RPS28: variants seen among roughly 807,000 people sequenced by gnomAD.
The protein encoded by RPS28 is small ribosomal subunit protein eS28.
A neutral mutation model predicts 9.4 loss-of-function variants in RPS28; 2 were observed. The observed-to-expected ratio is 0.21, with a 90% CI of 0.09 to 0.67. RPS28 has a LOEUF of 0.67. Among genes scored for constraint, RPS28 ranks in the 30% least tolerant of loss-of-function variants. The probability of loss-of-function intolerance (pLI) is 0.82; values close to 1 mark genes in which losing one functional copy is unlikely to be tolerated. For synonymous variants in RPS28, 41 were observed against 37.8 expected (o/e 1.08, Z -0.31); for missense variants, 35 against 95.3 (o/e 0.37, Z 2.63).
At position 8,322,941 on chromosome 19, in the gene RPS28, A is replaced by C; in HGVS notation, c.*686A>C. On this transcript the variant is annotated 3_prime_UTR_variant, in exon 4 of 4. Coordinates refer to ENST00000600659, the MANE Select transcript of RPS28 (RefSeq NM_001031.5). Reference sequence around the variant, plus strand: ...ACTCGCTCTGGAGAGAGGGGAAAAGAGGGGGGCCTGCTGCAATCTCCTTGA... The same window carrying C: ...ACTCGCTCTGGAGAGAGGGGAAAAGCGGGGGGCCTGCTGCAATCTCCTTGA... The C allele has an allele frequency of 7.3e-7, 1 of 1,372,410 alleles. No individual in the cohort carries two copies. The highest frequency in any genetic ancestry group is 9.9e-7 in the Non-Finnish European group (1 of 1,014,716). The allele number at this position is 1,372,410 out of a possible 1,614,324, so 85.0% of individuals were successfully genotyped here. A position where few individuals can be genotyped will look rare whatever the true frequency, so the allele number is the denominator to read the frequency against.
In RPS28 at chr19:8,322,495, G is replaced by C. The variant is rs11547425; in HGVS notation, c.*240G>C. On this transcript the variant is annotated 3_prime_UTR_variant, in exon 4 of 4. Transcript: ENST00000600659. ...CCTCCGCACTCTGGAAATCCTGGCCGTGCGGTCTTGCCAAACGAAGCTTTT... is the reference window on the plus strand; with the variant it reads ...CCTCCGCACTCTGGAAATCCTGGCCCTGCGGTCTTGCCAAACGAAGCTTTT... 2.0e-6 allele frequency: 1 copy of C among 500,646 alleles called. No homozygotes were observed. The highest frequency in any genetic ancestry group is 3.7e-6 in the Non-Finnish European group (1 of 267,946). The allele number at this position is 500,646 out of a possible 1,614,324, so 31.0% of individuals were successfully genotyped here. A position where few individuals can be genotyped will look rare whatever the true frequency, so the allele number is the denominator to read the frequency against.
In RPS28 at chr19:8,322,769, G is replaced by T; in HGVS notation, c.*514G>T. ...AGCAGGGGACCCTGGACCCTTCTGT[G>T]CGCCAAAGGCTGAGGTGACTGACGA... is the stretch of plus-strand genomic sequence containing the variant. On this transcript the variant is annotated 3_prime_UTR_variant, in exon 4 of 4. Coordinates refer to ENST00000600659, the MANE Select transcript of RPS28 (RefSeq NM_001031.5). 8.2e-7 allele frequency: 1 copy of T among 1,216,936 alleles called. No homozygotes were observed. The highest frequency in any genetic ancestry group is 1.2e-6 in the Non-Finnish European group (1 of 837,496). The allele number at this position is 1,216,936 out of a possible 1,614,324, so 75.4% of individuals were successfully genotyped here.
At chr19:8,322,251 C>T in intron 3 of RPS28, 21 bp from the exon 4 acceptor site, 1 of 813,294 alleles carries the variant, frequency 1.2e-6, no homozygotes, top group Non-Finnish European at 2.1e-6. Flanking sequence ...GTCAACATCT[C>T]ATGTTTGGGT....
chr19:8,322,630 T>C lies in RPS28; in HGVS notation c.*375T>C, dbSNP rs1029965591. 1 of 592,538 alleles carries C rather than the reference T, an allele frequency of 1.7e-6. No homozygotes were observed. The highest frequency in any genetic ancestry group is 1.9e-5 in the African/African-American group (1 of 53,612). The allele number at this position is 592,538 out of a possible 1,614,324, so 36.7% of individuals were successfully genotyped here. ...AAAGAAGTTTCAGAGAGTGGGTGGA[T>C]CAGGGCTCTATCACTTGGTCCCCAC... is the stretch of plus-strand genomic sequence containing the variant. On this transcript the variant is annotated 3_prime_UTR_variant, in exon 4 of 4. Transcript: ENST00000600659.
At chr19:8,322,157 C>T (rs752078232) in intron 3 of RPS28, 66 bp downstream of exon 3, 17 of 1,556,142 alleles carry the variant, frequency 1.1e-5, no homozygotes, top group South Asian at 2.3e-5. Flanking sequence ...TCGTTAAGCC[C>T]AGGGTGAGAG....
chr19:8,322,250 T>G (rs1970329881), intron 3 of RPS28, 22 bp from the exon 4 acceptor site: 1 of 822,250 alleles, frequency 1.2e-6, no homozygotes, highest in South Asian at 1.4e-5. Context: ...TGTCAACATC[T>G]CATGTTTGGG....
rs4147654 is a variant in RPS28 at position 8,322,615 on chromosome 19, CAG to C, written c.*365_*366del. On this transcript the variant is annotated 3_prime_UTR_variant, in exon 4 of 4. Transcript: ENST00000600659. ...GAATGTTTTATTAGCAAAGAAGTTT[CAG>C]AGAGTGGGTGGATCAGGGCTCTATC... 75,326 of 582,694 alleles carry C rather than the reference CAG, an allele frequency of 0.13. 5,718 individuals carry two copies. The highest frequency in any genetic ancestry group is 0.26 in the African/African-American group (13,865 of 53,402). The allele number at this position is 582,694 out of a possible 1,614,324, so 36.1% of individuals were successfully genotyped here.
At chr19:8,321,758 C>T (rs886483047) in intron 2 of RPS28, 55 bp downstream of exon 2, 2 of 1,531,904 alleles carry the variant, frequency 1.3e-6, no homozygotes, top group South Asian at 1.2e-5. Flanking sequence ...CTGATGTGAC[C>T]TCTACCCTGC....
Position 8,322,695 on chromosome 19 carries a change from A to T in RPS28, c.*440A>T, listed in dbSNP as rs80148015. ...GCCAGAGTGAGCCCCTTCCTGCCAC[A>T]GTCACCCCAACTGAAATTGCCTTTC... On this transcript the variant is annotated 3_prime_UTR_variant, in exon 4 of 4. Coordinates refer to ENST00000600659, the MANE Select transcript of RPS28 (RefSeq NM_001031.5). The T allele has an allele frequency of 4.9e-3, 3,157 of 640,780 alleles. 83 individuals are homozygous for T. The African/African-American group carries it at 0.054, about 11-fold the overall frequency. The allele number at this position is 640,780 out of a possible 1,614,324, so 39.7% of individuals were successfully genotyped here. A position where few individuals can be genotyped will look rare whatever the true frequency, so the allele number is the denominator to read the frequency against.
chr19:8,321,527 C>T lies in RPS28; in HGVS notation c.-4C>T, dbSNP rs188073178. On this transcript the variant is annotated 5_prime_UTR_variant, in exon 1 of 4. Transcript: ENST00000600659. Reference sequence around the variant, plus strand: ...CTCCGCCAGACCGCCGCCGCGCCGCCATCATGGACACCAGCCGTGTGCAGC... The same window carrying T: ...CTCCGCCAGACCGCCGCCGCGCCGCTATCATGGACACCAGCCGTGTGCAGC... 3.2e-4 allele frequency: 508 copies of T among 1,585,532 alleles called. 2 individuals carry two copies. The East Asian group carries it at 7.5e-3, about 24-fold the overall frequency.
At chr19:8,321,861 C>T in intron 2 of RPS28, 92 bp from the exon 3 acceptor site, 5 of 1,552,012 alleles carry the variant, frequency 3.2e-6, no homozygotes, top group Non-Finnish European at 4.4e-6. Context: ...CTGGCCCCGA[C>T]ACGTTCTCTG....
chr19:8,322,154 G>A lies in RPS28; in HGVS notation c.*16+63G>A. The stretch of plus-strand genomic sequence containing the variant: ...GTTGGTGGTAGGGAGGCTTCGTTAA[G>A]CCCAGGGTGAGAGGGTTTGGGAGGC... On this transcript the variant is annotated intron_variant, in intron 3 of 3. Transcript: ENST00000600659. 8.3e-6 allele frequency: 13 copies of A among 1,567,328 alleles called. No individual in the cohort carries two copies. The South Asian group carries it at 1.5e-4, about 18-fold the overall frequency.
At position 8,322,762 on chromosome 19, in the gene RPS28, C is replaced by T. The variant is rs1273146947; in HGVS notation, c.*507C>T. ...GCCTCTGAGCAGGGGACCCTGGACC[C>T]TTCTGTGCGCCAAAGGCTGAGGTGA... On this transcript the variant is annotated 3_prime_UTR_variant, in exon 4 of 4. Coordinates refer to ENST00000600659, the MANE Select transcript of RPS28 (RefSeq NM_001031.5). 1.2e-5 allele frequency: 14 copies of T among 1,142,254 alleles called. No homozygotes were observed. Among genetic ancestry groups the T allele is most frequent in the South Asian group, 2.7e-5 (2 of 75,150 alleles). The allele number at this position is 1,142,254 out of a possible 1,614,324, so 70.8% of individuals were successfully genotyped here.
chr19:8,323,070 G>A lies in RPS28; in HGVS notation c.*815G>A. On this transcript the variant is annotated 3_prime_UTR_variant, in exon 4 of 4. Coordinates refer to ENST00000600659, the MANE Select transcript of RPS28 (RefSeq NM_001031.5). Reference sequence around the variant, plus strand: ...TCCAACCTCTGCCCCTTCTGACCTGGAAGAGGCGCTTGACCTTCCTCCCAC... The same window carrying A: ...TCCAACCTCTGCCCCTTCTGACCTGAAAGAGGCGCTTGACCTTCCTCCCAC... 1 of 500,432 alleles carries A rather than the reference G, an allele frequency of 2.0e-6. No individual in the cohort carries two copies. The allele number at this position is 500,432 out of a possible 1,614,324, so 31.0% of individuals were successfully genotyped here.
In RPS28 at chr19:8,322,264, G is replaced by C; in HGVS notation, c.*17-8G>C. ...CTGTCAACATCTCATGTTTGGGTCT[G>C]TTTACAGGGTCTTGGATGTCGGGTT... On this transcript the variant is annotated splice_region_variant and splice_polypyrimidine_tract_variant and intron_variant, in intron 3 of 3. Coordinates refer to ENST00000600659, the MANE Select transcript of RPS28 (RefSeq NM_001031.5). The C allele has an allele frequency of 1.3e-6, 1 of 762,352 alleles. No homozygotes were observed. Among genetic ancestry groups the C allele is most frequent in the East Asian group, 2.7e-5 (1 of 36,980 alleles). The allele number at this position is 762,352 out of a possible 1,614,324, so 47.2% of individuals were successfully genotyped here.
chr19:8,322,227 T>C (rs1192834281), intron 3 of RPS28, 45 bp from the exon 4 acceptor site: 1 of 971,060 alleles, frequency 1.0e-6, no homozygotes, highest in Non-Finnish European at 1.6e-6. Flanking sequence ...AGTTTGCCAA[T>C]TGCTGCGGGG....
chr19:8,321,946 C>T lies in RPS28; in HGVS notation c.88-7C>T, dbSNP rs1970324297. 1 of 1,611,580 alleles carries T rather than the reference C, an allele frequency of 6.2e-7. No homozygotes were observed. Among genetic ancestry groups the T allele is most frequent in the Non-Finnish European group, 8.5e-7 (1 of 1,179,240 alleles). ...ACTTCTTCCTCCACTCCGGTGGGGA[C>T]CCGTAGGTGCGCGTGGAATTCATGG... On this transcript the variant is annotated splice_polypyrimidine_tract_variant and splice_region_variant and intron_variant, in intron 2 of 3. Transcript: ENST00000600659.
Position 8,322,470 on chromosome 19 carries a change from C to T in RPS28, c.*215C>T. 1.9e-6 allele frequency: 1 copy of T among 522,902 alleles called. No homozygotes were observed. Among genetic ancestry groups the T allele is most frequent in the Non-Finnish European group, 3.6e-6 (1 of 277,060 alleles). 32.4% of individuals were successfully genotyped at this position (522,902 alleles called of 1,614,324 possible). On this transcript the variant is annotated 3_prime_UTR_variant, in exon 4 of 4. Coordinates refer to ENST00000600659, the MANE Select transcript of RPS28 (RefSeq NM_001031.5). ...GAGTGGCTCCCAGGCGGTCACCGAT[C>T]CTCCGCACTCTGGAAATCCTGGCCG...
intron 1 of RPS28, 21 bp downstream of exon 1, chr19:8,321,590 T>G: frequency 3.2e-6 from 5 of 1,570,344 alleles, no homozygotes; most frequent in Non-Finnish European, 4.3e-6. Flanking sequence ...GGCCCGAATT[T>G]GGGGGCAGGG....
Sources: allele counts gnomAD v4.1 joint callset, GRCh38; gene constraint gnomAD v4.1.1; transcripts MANE v1.5; gene names NCBI Gene and HGNC (gene_info 2026-07-23, HGNC 2026-07-21).